Variants in PBX1 observed in about 807,000 individuals in gnomAD.
The protein encoded by PBX1 is pre-B-cell leukemia transcription factor 1.
PBX1 carries 6 observed loss-of-function variants against 53.4 expected under a neutral mutation model. The observed-to-expected ratio is 0.11, with a 90% CI of 0.06 to 0.22. The LOEUF is 0.22. PBX1 is among the 10% of genes least tolerant of loss of function. The pLI, the probability that PBX1 is intolerant of heterozygous loss-of-function variation, is 1.00. For missense variants in PBX1, 251 were observed against 551.4 expected, an observed-to-expected ratio of 0.46 and a Z score of 5.46; for synonymous variants, 204 against 212.3, an observed-to-expected ratio of 0.96 and a Z score of 0.34.
intron 2 of PBX1, among the ~76,000 whole-genome samples, chr1:164,689,457 C>A (rs1239084438): frequency 6.6e-6 from 1 of 151,984 alleles, no homozygotes; most frequent in Non-Finnish European, 1.5e-5. Flanking sequence ...GCGTATTAAT[C>A]ATCTCCTTGA....
chr1:164,671,062 G>A (rs983395884), intron 2 of PBX1, among the ~76,000 whole-genome samples: 4 of 152,170 alleles, frequency 2.6e-5, no homozygotes, highest in Non-Finnish European at 5.9e-5. Flanking sequence ...GGGATGTGAG[G>A]TCCATGCTAA....
chr1:164,879,926 T>G (rs901768043), intron 2 of PBX1, among the ~76,000 whole-genome samples: 1 of 152,148 alleles, frequency 6.6e-6, no homozygotes, highest in African/African-American at 2.4e-5. Context: ...TTTACCTTAG[T>G]TGGGCAGTGG....
At position 164,620,338 on chromosome 1, in the gene PBX1, A is replaced by G. The variant is rs1046859774; in HGVS notation, c.265+57027A>G. On this transcript the variant is annotated intron_variant, in intron 2 of 8. Coordinates refer to ENST00000420696, the MANE Select transcript of PBX1 (RefSeq NM_002585.4). Reference sequence around the variant, plus strand: ...TTTCATAAGGCATTATTTTGAGGCTATATTTTGTTAGTGTAATTCTAGCTA... The same window carrying G: ...TTTCATAAGGCATTATTTTGAGGCTGTATTTTGTTAGTGTAATTCTAGCTA... Among the ~76,000 whole-genome samples the G allele has an allele frequency of 2.8e-4, 43 of 152,198 alleles. 1 individual carries two copies. Among genetic ancestry groups the G allele is most frequent in the Admixed American group, 2.7e-3 (42 of 15,276 alleles).
At chr1:164,572,838 G>A (rs2101716461) in intron 2 of PBX1, among the ~76,000 whole-genome samples, 2 of 152,300 alleles carry the variant, frequency 1.3e-5, no homozygotes, top group South Asian at 4.1e-4. Flanking sequence ...TTTCTCATCA[G>A]TTTGGCCTTG....
At chr1:164,683,123 T>G (rs923008913) in intron 2 of PBX1, 2 of 152,214 alleles carry the variant, frequency 1.3e-5, no homozygotes, top group Admixed American at 1.3e-4. Flanking sequence ...AGTAAGCAGA[T>G]AACAGTAACA....
chr1:164,806,084 A>G (rs1286108954), intron 4 of PBX1, among the ~76,000 whole-genome samples: 1 of 152,206 alleles, frequency 6.6e-6, no homozygotes, highest in Admixed American at 6.5e-5. Context: ...TCCATAAGGA[A>G]AAGCTTTTAA....
chr1:164,841,038 A>G (rs1043661707), intron 8 of PBX1, among the ~76,000 whole-genome samples: 4 of 152,164 alleles, frequency 2.6e-5, no homozygotes, highest in African/African-American at 9.7e-5. Context: ...CTTTGGAATA[A>G]AAGATAAATT....
At chr1:164,713,149 G>A (rs1663897050) in intron 2 of PBX1, among the ~76,000 whole-genome samples, 1 of 152,158 alleles carries the variant, frequency 6.6e-6, no homozygotes, top group African/African-American at 2.4e-5. Flanking sequence ...AACCCCTGGG[G>A]AGGAGTTGTA....
intron 2 of PBX1, among the ~76,000 whole-genome samples, chr1:164,872,718 C>A (rs1392223504): frequency 1.3e-5 from 2 of 152,170 alleles, no homozygotes; most frequent in East Asian, 1.9e-4. Context: ...TATAATGCTC[C>A]CAAGGCTTTT....
chr1:164,679,533 G>T (rs983355402), intron 2 of PBX1, among the ~76,000 whole-genome samples: 9 of 152,098 alleles, frequency 5.9e-5, no homozygotes, highest in Non-Finnish European at 1.0e-4. Flanking sequence ...GACCCCTTTC[G>T]TTTGACCTTT....
At chr1:164,800,267 T>G (rs2102320814) in intron 4 of PBX1, among the ~76,000 whole-genome samples, 1 of 152,310 alleles carries the variant, frequency 6.6e-6, no homozygotes, top group African/African-American at 2.4e-5. Context: ...TTTATTCCAT[T>G]TGCTTGGAAA....
chr1:164,618,337 G>C (rs1657440045), intron 2 of PBX1, among the ~76,000 whole-genome samples: 1 of 141,578 alleles, frequency 7.1e-6, no homozygotes, highest in African/African-American at 2.6e-5. Flanking sequence ...CACTAGCCCA[G>C]CCTTCTCCCA....
chr1:164,853,021 C>T (rs2102433261), downstream of PBX1, among the ~76,000 whole-genome samples: 1 of 152,272 alleles, frequency 6.6e-6, no homozygotes, highest in South Asian at 2.1e-4. Flanking sequence ...ATGTATACTG[C>T]CTCAAATGCA....
intron 5 of PBX1, among the ~76,000 whole-genome samples, chr1:164,807,891 G>A (rs537121351): frequency 6.6e-6 from 1 of 152,348 alleles, no homozygotes; most frequent in South Asian, 2.1e-4. Flanking sequence ...GCAGAAGGAA[G>A]AGAAGAATAA....
chr1:164,858,475 AC>A (rs1472974587), intron 2 of PBX1, among the ~76,000 whole-genome samples: 52 of 142,296 alleles, frequency 3.7e-4, no homozygotes, highest in African/African-American at 1.2e-3. Context: ...ACACACACAC[AC>A]ACGCTGTGGC....
chr1:164,875,192 C>T (rs1410484392), intron 2 of PBX1, among the ~76,000 whole-genome samples: 3 of 152,036 alleles, frequency 2.0e-5, no homozygotes, highest in South Asian at 2.1e-4. Flanking sequence ...TTTATCAGGG[C>T]GTTACATCTG....
chr1:164,870,214 TTTCTTTCCTTCCTTCCTTCCTTCC>T (rs1341800440), intron 2 of PBX1, among the ~76,000 whole-genome samples: 8 of 82,426 alleles, frequency 9.7e-5, no homozygotes, highest in Admixed American at 4.7e-4. Context: ...CTTTCTTTTC[TTTCTTTCCTTCCTTCCTTCCTTCC>T]TTCCTTCCTT....
At chr1:164,588,707 G>C (rs1655134406) in intron 2 of PBX1, among the ~76,000 whole-genome samples, 1 of 151,916 alleles carries the variant, frequency 6.6e-6, no homozygotes, top group Non-Finnish European at 1.5e-5. Context: ...GAGAGAGAGA[G>C]AGGCTGGAGG....
At chr1:164,663,276 G>GCCTGCCTTCCTACCTGCCTGCCTT (rs1660615907) in intron 2 of PBX1, among the ~76,000 whole-genome samples, 1 of 146,370 alleles carries the variant, frequency 6.8e-6, no homozygotes, top group Non-Finnish European at 1.5e-5. Flanking sequence ...CTGCCTGCCT[G>GCCTGCCTTCCTACCTGCCTGCCTT]CCTGCCTTCC....
Sources: gnomAD v4.1 joint callset for allele counts (sites outside exome capture counted in the v4.1 genomes callset) on GRCh38, gnomAD v4.1.1 for gene constraint, MANE v1.5 for transcripts, NCBI Gene and HGNC (gene_info 2026-07-23, HGNC 2026-07-21) for gene names.